Variants in SPATA13 observed in about 807,000 individuals in gnomAD.
SPATA13 encodes the protein spermatogenesis-associated protein 13.
SPATA13 carries 50 observed loss-of-function variants against 104.0 expected under a neutral mutation model. The observed-to-expected ratio is 0.48, with a 90% CI of 0.38 to 0.61. SPATA13 has a LOEUF of 0.61. Ranked by LOEUF, SPATA13 falls within the 20% of genes least tolerant of loss-of-function variation. The pLI, the probability that SPATA13 is intolerant of heterozygous loss-of-function variation, is 0.00. For synonymous variants in SPATA13, 606 were observed against 667.5 expected (o/e 0.91, Z 1.42); for missense variants, 1,524 against 1,690.6 (o/e 0.90, Z 1.73).
chr13:24,178,212 C>T (rs1294944025), intron 1 of SPATA13, among the ~76,000 whole-genome samples: 4 of 152,094 alleles, frequency 2.6e-5, no homozygotes, highest in Non-Finnish European at 4.4e-5. Context: ...TTCCAGAAGG[C>T]GCAAACGTTC....
chr13:24,294,648 G>C, intron 9 of SPATA13, 91 bp from the exon 10 acceptor site: 2 of 1,398,652 alleles, frequency 1.4e-6, no homozygotes, highest in Admixed American at 2.0e-5. Context: ...TAGAGCATTC[G>C]TATACGAAGA....
At chr13:24,274,725 A>T (rs1874852493) in intron 4 of SPATA13, among the ~76,000 whole-genome samples, 1 of 152,224 alleles carries the variant, frequency 6.6e-6, no homozygotes, top group Non-Finnish European at 1.5e-5. Context: ...AGCCATCAGC[A>T]AGAGGTTTTC....
chr13:24,182,222 C>T (rs1868858445), intron 1 of SPATA13, among the ~76,000 whole-genome samples: 1 of 152,156 alleles, frequency 6.6e-6, no homozygotes, highest in Non-Finnish European at 1.5e-5. Context: ...TTTCCACCAG[C>T]CTCAGTTTAT....
chr13:24,041,599 T>C (rs1468471196), intron 3 of SPATA13, among the ~76,000 whole-genome samples: 1 of 152,188 alleles, frequency 6.6e-6, no homozygotes, highest in African/African-American at 2.4e-5. Context: ...GGAACCATGG[T>C]GATGTTAAGG....
intron 3 of SPATA13, among the ~76,000 whole-genome samples, chr13:24,087,504 C>T (rs758953742): frequency 2.0e-5 from 3 of 152,138 alleles, no homozygotes; most frequent in Non-Finnish European, 4.4e-5. Flanking sequence ...TTTACTGCAA[C>T]GTTAATAGAA....
chr13:24,249,929 T>C, intron 3 of SPATA13, 87 bp downstream of exon 3: 1 of 1,492,542 alleles, frequency 6.7e-7, no homozygotes, highest in South Asian at 1.4e-5. Context: ...CTGGATCTGC[T>C]TTTTCTCTCC....
rs180693975 is a variant in SPATA13, at chr13:24,101,534, G to A, written c.-112+83833G>A. On this transcript the variant is annotated intron_variant, in intron 3 of 14. Coordinates refer to the SPATA13 transcript ENST00000424834. ...CTTACCACCTTAACCATTTTTAAGT[G>A]TACAGTATAGTAGTGTTAACCCTAT... 1.9e-3 allele frequency among the ~76,000 whole-genome samples: 293 copies of A among 152,206 alleles called. 1 individual carries two copies. Among genetic ancestry groups the A allele is most frequent in the African/African-American group, 6.4e-3 (267 of 41,522 alleles).
intron 1 of SPATA13, among the ~76,000 whole-genome samples, chr13:24,192,608 C>A (rs1869825122): frequency 6.6e-6 from 1 of 152,128 alleles, no homozygotes; most frequent in Non-Finnish European, 1.5e-5. Flanking sequence ...GTGGTAGGCA[C>A]TTGAGTATTG....
intron 3 of SPATA13, among the ~76,000 whole-genome samples, chr13:24,041,489 A>G (rs1369684491): frequency 6.6e-6 from 1 of 152,252 alleles, no homozygotes; most frequent in Non-Finnish European, 1.5e-5. Flanking sequence ...GTCATATAAC[A>G]GATAAAGCTA....
chr13:24,010,366 T>G (rs1336005863), intron 2 of SPATA13, among the ~76,000 whole-genome samples: 2 of 152,154 alleles, frequency 1.3e-5, no homozygotes, highest in African/African-American at 4.8e-5. Flanking sequence ...AAGCCATCAC[T>G]TTACATCACC....
intron 3 of SPATA13, among the ~76,000 whole-genome samples, chr13:24,098,523 G>A (rs1880150689): frequency 4.0e-5 from 6 of 151,666 alleles, no homozygotes; most frequent in Admixed American, 3.9e-4. Flanking sequence ...CCTGAGCCTG[G>A]ACGTTTGAGG....
At chr13:24,300,188 C>A (rs936735108) in intron 11 of SPATA13, among the ~76,000 whole-genome samples, 1 of 152,116 alleles carries the variant, frequency 6.6e-6, no homozygotes, top group African/African-American at 2.4e-5. Context: ...CCAAACTGTC[C>A]GGGTTTGCAG....
chr13:24,132,975 C>T lies in SPATA13; in HGVS notation c.-111-89844C>T, dbSNP rs1019300353. 4.0e-5 allele frequency among the ~76,000 whole-genome samples: 6 copies of T among 151,884 alleles called. No individual in the cohort carries two copies. In the South Asian group the frequency reaches 6.2e-4, roughly 16 times the overall value. The stretch of plus-strand genomic sequence containing the variant: ...TGGGCAACAGAGTGAGACTCTGTCT[C>T]AAAAACAAACAAACAAACAAAAACA... On this transcript the variant is annotated intron_variant, in intron 3 of 14. Transcript: ENST00000424834.
chr13:24,271,004 T>C (rs1478090187), intron 4 of SPATA13: 5 of 831,138 alleles, frequency 6.0e-6, no homozygotes, highest in Non-Finnish European at 1.0e-5. Flanking sequence ...TCTCTCTCTC[T>C]CTCTCCACTC....
At chr13:24,141,536 CCCAAAA>C (rs1881761508) in intron 3 of SPATA13, among the ~76,000 whole-genome samples, 1 of 152,180 alleles carries the variant, frequency 6.6e-6, no homozygotes, top group Non-Finnish European at 1.5e-5. Context: ...CTCCTGTGAT[CCCAAAA>C]CCTTCTGCAT....
intron 4 of SPATA13, among the ~76,000 whole-genome samples, chr13:24,282,893 G>A (rs1302383514): frequency 6.6e-6 from 1 of 152,212 alleles, no homozygotes; most frequent in African/African-American, 2.4e-5. Flanking sequence ...GAATTCAGAC[G>A]AGACTCTGTG....
intron 3 of SPATA13, chr13:24,122,595 T>C: frequency 6.7e-7 from 1 of 1,499,770 alleles, no homozygotes; most frequent in Non-Finnish European, 9.3e-7. Context: ...TGCATGACAC[T>C]CTGCATCTTC....
At chr13:24,144,841 C>G (rs1282314056) in intron 3 of SPATA13, among the ~76,000 whole-genome samples, 3 of 152,352 alleles carry the variant, frequency 2.0e-5, no homozygotes, top group East Asian at 3.9e-4. Flanking sequence ...GGCCATCCAC[C>G]TCCTTGCCTT....
intron 3 of SPATA13, among the ~76,000 whole-genome samples, chr13:24,061,888 TA>T (rs111470696): frequency 0.061 from 8,706 of 141,660 alleles, 254 homozygotes; most frequent in Middle Eastern, 0.12. Flanking sequence ...AATTAAAAAT[TA>T]AAAAAAAAAA....
Sources: gnomAD v4.1 joint callset for allele counts (sites outside exome capture counted in the v4.1 genomes callset) on GRCh38, gnomAD v4.1.1 for gene constraint, MANE v1.5 for transcripts, NCBI Gene and HGNC (gene_info 2026-07-23, HGNC 2026-07-21) for gene names.